FNIP2: variants seen among roughly 807,000 people sequenced by gnomAD.
The protein encoded by FNIP2 is folliculin interacting protein 2.
Under a neutral mutation model 108.7 loss-of-function variants are expected in FNIP2, and 32 were observed. The observed-to-expected ratio is 0.29, with a 90% CI of 0.22 to 0.40. The LOEUF (loss-of-function observed/expected upper bound fraction) is 0.40, where lower values mean the gene tolerates loss of function less well. FNIP2 is among the 10% of genes least tolerant of loss of function. The probability of loss-of-function intolerance (pLI) is 1.00; values close to 1 mark genes in which losing one functional copy is unlikely to be tolerated. For synonymous variants in FNIP2, 480 were observed against 496.7 expected (o/e 0.97, Z 0.45); for missense variants, 1,202 against 1,381.6 (o/e 0.87, Z 2.06).
At chr4:158,844,622 CT>C (rs1255694793) in intron 7 of FNIP2, among the ~76,000 whole-genome samples, 1 of 152,228 alleles carries the variant, frequency 6.6e-6, no homozygotes, top group Non-Finnish European at 1.5e-5. Flanking sequence ...GGCAACTACT[CT>C]GCCTATGTCC....
rs149384474 is a variant in FNIP2, at chr4:158,855,445, C to T, written c.858-3612C>T. On this transcript the variant is annotated intron_variant, in intron 8 of 16. Transcript: ENST00000264433. ...GACGTTTTGAATTGATTACTGTGCC[C>T]GTGAAGATCCCTTTTTTTTTGAGAC... Among the ~76,000 whole-genome samples, 565 of 151,946 alleles carry T rather than the reference C, an allele frequency of 3.7e-3. 5 individuals carry two copies. The highest frequency in any genetic ancestry group is 0.013 in the African/African-American group (530 of 41,416).
chr4:158,832,984 C>T (rs953633567), intron 5 of FNIP2, among the ~76,000 whole-genome samples: 1 of 152,148 alleles, frequency 6.6e-6, no homozygotes, highest in African/African-American at 2.4e-5. Context: ...TTAAAATCTG[C>T]TTCCCTCACA....
Position 158,829,136 on chromosome 4 carries a change from GTCAGCAGCAGTAGCAGCAGCAGCA to G in FNIP2, c.295_318del (p.Ser101_Ser108del). ...CAAGTGCTGCCAGGGAAGCAGCAGT[GTCAGCAGCAGTAGCAGCAGCAGCA>G]TCTCTTCCCACAGTTCTTCTGGGGG... On this transcript the variant is annotated inframe_deletion, in exon 3 of 17. Coordinates refer to ENST00000264433, the MANE Select transcript of FNIP2 (RefSeq NM_020840.3). The G allele has an allele frequency of 1.2e-6, 2 of 1,612,834 alleles. No individual in the cohort carries two copies. The highest frequency in any genetic ancestry group is 8.5e-7 in the Non-Finnish European group (1 of 1,179,346).
chr4:158,889,866 T>C (rs1035695237), intron 14 of FNIP2: 44 of 985,032 alleles, frequency 4.5e-5, no homozygotes, highest in Non-Finnish European at 5.2e-5. Flanking sequence ...CATCTTGATA[T>C]AAATTTATAA....
chr4:158,832,846 C>T (rs906247368), intron 5 of FNIP2, among the ~76,000 whole-genome samples: 12 of 152,148 alleles, frequency 7.9e-5, no homozygotes, highest in East Asian at 5.8e-4. Context: ...AATTCCCTTA[C>T]GTGCAGATTT....
intron 1 of FNIP2, among the ~76,000 whole-genome samples, chr4:158,812,569 A>G (rs1777338401): frequency 6.6e-6 from 1 of 152,190 alleles, no homozygotes; most frequent in African/African-American, 2.4e-5. Context: ...AGTTCCTTTG[A>G]CAACTGAAAT....
intron 15 of FNIP2, among the ~76,000 whole-genome samples, chr4:158,894,280 C>T (rs1465346690): frequency 6.6e-6 from 1 of 151,522 alleles, no homozygotes; most frequent in Non-Finnish European, 1.5e-5. Flanking sequence ...AAGCAATCCT[C>T]CCACCTCAGC....
At chr4:158,782,791 G>C (rs781640395) in intron 1 of FNIP2, among the ~76,000 whole-genome samples, 1 of 152,154 alleles carries the variant, frequency 6.6e-6, no homozygotes, top group Non-Finnish European at 1.5e-5. Context: ...GCTCCCAATT[G>C]TCCAGTAATC....
chr4:158,881,058 AT>A (rs1781561447), intron 14 of FNIP2, among the ~76,000 whole-genome samples: 1 of 152,198 alleles, frequency 6.6e-6, no homozygotes, highest in South Asian at 2.1e-4. Flanking sequence ...GTGGAAAGGT[AT>A]TTTGTCATGT....
intron 1 of FNIP2, among the ~76,000 whole-genome samples, chr4:158,814,789 G>A (rs1777472206): frequency 6.6e-6 from 1 of 152,204 alleles, no homozygotes; most frequent in African/African-American, 2.4e-5. Flanking sequence ...CTACATATTT[G>A]AAAACTGAAT....
chr4:158,896,066 A>G (rs915045892), intron 16 of FNIP2, among the ~76,000 whole-genome samples: 14 of 152,168 alleles, frequency 9.2e-5, no homozygotes, highest in African/African-American at 2.9e-4. Context: ...CACACCTACA[A>G]TCAATCGCAG....
At chr4:158,881,821 C>T (rs1448582002) in intron 14 of FNIP2, among the ~76,000 whole-genome samples, 1 of 152,248 alleles carries the variant, frequency 6.6e-6, no homozygotes, top group Non-Finnish European at 1.5e-5. Context: ...CTCCCAGCCG[C>T]CTGCCTTGGC....
Position 158,891,451 on chromosome 4 carries a change from A to T in FNIP2, c.2955A>T (p.Pro985=). 2 of 1,596,738 alleles carry T rather than the reference A, an allele frequency of 1.3e-6. No homozygotes were observed. Among genetic ancestry groups the T allele is most frequent in the Non-Finnish European group, 1.7e-6 (2 of 1,170,980 alleles). The part of the protein sequence containing the change: ...VADLVHTVHH[P]VLDEPIAEAV... ...CCTTTGTGTTTCTTTTTCAGCATCCAGTCCTGGATGAGCCAATAGCTGAAG... is the reference window on the plus strand; with the variant it reads ...CCTTTGTGTTTCTTTTTCAGCATCCTGTCCTGGATGAGCCAATAGCTGAAG... The change falls in exon 15 of 17, where the codon CCA becomes CCT. Residue 985 remains proline, a synonymous_variant. Transcript: ENST00000264433.
At chr4:158,896,284 C>T (rs1178169906) in intron 16 of FNIP2, among the ~76,000 whole-genome samples, 1 of 152,114 alleles carries the variant, frequency 6.6e-6, no homozygotes, top group Non-Finnish European at 1.5e-5. Context: ...AGGAAAGGCC[C>T]TTCTAGGCTT....
intron 1 of FNIP2, among the ~76,000 whole-genome samples, chr4:158,771,773 G>A (rs1355540406): frequency 2.0e-5 from 3 of 152,152 alleles, no homozygotes; most frequent in Admixed American, 6.5e-5. Context: ...GTTTGTTTTA[G>A]AGTTTGTATA....
Position 158,849,288 on chromosome 4 carries a change from G to A in FNIP2, c.728-2033G>A, listed in dbSNP as rs527565127. On this transcript the variant is annotated intron_variant, in intron 7 of 16. Transcript: ENST00000264433. ...TTAGTTTCTGTGGTTTGCCTTGCAG[G>A]GAGGAGGGGGAGCAGGAGAAAGAAG... is the stretch of plus-strand genomic sequence containing the variant. Among the ~76,000 whole-genome samples the A allele has an allele frequency of 6.7e-4, 102 of 152,256 alleles. No individual in the cohort carries two copies. The South Asian group carries it at 7.5e-3, about 11-fold the overall frequency.
chr4:158,786,258 C>T (rs1306976538), intron 1 of FNIP2, among the ~76,000 whole-genome samples: 1 of 152,204 alleles, frequency 6.6e-6, no homozygotes, highest in African/African-American at 2.4e-5. Flanking sequence ...CAGAGAAATG[C>T]TTATCTGTCC....
At chr4:158,880,497 G>A (rs914579045) in intron 14 of FNIP2, among the ~76,000 whole-genome samples, 3 of 152,224 alleles carry the variant, frequency 2.0e-5, no homozygotes, top group Admixed American at 6.5e-5. Flanking sequence ...TGTAAATGAC[G>A]AGTTAATGGG....
chr4:158,814,937 A>C (rs1777479710), intron 1 of FNIP2, among the ~76,000 whole-genome samples: 1 of 152,176 alleles, frequency 6.6e-6, no homozygotes, highest in African/African-American at 2.4e-5. Flanking sequence ...CTTTGGGTTT[A>C]AAAAAATAGG....
Sources: gnomAD v4.1 joint callset for allele counts (sites outside exome capture counted in the v4.1 genomes callset) on GRCh38, gnomAD v4.1.1 for gene constraint, MANE v1.5 for transcripts, NCBI Gene and HGNC (gene_info 2026-07-23, HGNC 2026-07-21) for gene names.